The following PLCB1 variants were observed in gnomAD, a reference collection of about 807,000 sequenced individuals.
PLCB1 encodes the protein 1-phosphatidylinositol 4,5-bisphosphate phosphodiesterase beta-1.
In PLCB1, 46 loss-of-function variants were observed where a neutral mutation model predicts 161.8. The ratio of observed to expected loss-of-function variants is 0.28; its 90% CI spans 0.22 to 0.36. The LOEUF (loss-of-function observed/expected upper bound fraction) is 0.36, where lower values mean the gene tolerates loss of function less well. Ranked by LOEUF, PLCB1 falls within the 10% of genes least tolerant of loss-of-function variation. The probability of loss-of-function intolerance (pLI) is 1.00; values close to 1 mark genes in which losing one functional copy is unlikely to be tolerated. For synonymous variants in PLCB1, 517 were observed against 503.7 expected (o/e 1.03, Z -0.35); for missense variants, 1,016 against 1,472.5 (o/e 0.69, Z 5.07).
chr20:8,711,089 G>A (rs191477855), intron 12 of PLCB1, among the ~76,000 whole-genome samples: 8 of 152,304 alleles, frequency 5.3e-5, no homozygotes, highest in Admixed American at 5.2e-4. Flanking sequence ...TTTTACAGAT[G>A]ATGGAACTGA....
At chr20:8,246,223 G>A (rs1191851539) in intron 2 of PLCB1, among the ~76,000 whole-genome samples, 1 of 151,896 alleles carries the variant, frequency 6.6e-6, no homozygotes, top group Admixed American at 6.6e-5. Flanking sequence ...ACATATTTAG[G>A]CTCTGATTAT....
rs1255361902 is a variant in PLCB1 at position 8,141,659 on chromosome 20, C to T, written c.100-8635C>T. ...AAAAAAAAGGAGGGGGCAATGTATGCTCTATAGTCTTTAAAGATATTCTAC... is the reference window on the plus strand; with the variant it reads ...AAAAAAAAGGAGGGGGCAATGTATGTTCTATAGTCTTTAAAGATATTCTAC... On this transcript the variant is annotated intron_variant, in intron 1 of 31. Transcript: ENST00000338037. 2.7e-5 allele frequency among the ~76,000 whole-genome samples: 4 copies of T among 150,282 alleles called. No homozygotes were observed. The South Asian group carries it at 6.3e-4, about 24-fold the overall frequency.
chr20:8,631,595 CT>C (rs1321043424), intron 4 of PLCB1, among the ~76,000 whole-genome samples: 3 of 152,246 alleles, frequency 2.0e-5, no homozygotes, highest in Admixed American at 1.3e-4. Flanking sequence ...CATTCTCTAA[CT>C]TCCAAACCAT....
chr20:8,236,811 A>G (rs1980352237), intron 2 of PLCB1, among the ~76,000 whole-genome samples: 1 of 152,074 alleles, frequency 6.6e-6, no homozygotes, highest in Non-Finnish European at 1.5e-5. Context: ...TGGGTAAACG[A>G]TATGAATGGG....
In PLCB1 at chr20:8,720,987, C is replaced by A. The variant is rs928612076; in HGVS notation, c.1514-1367C>A. Among the ~76,000 whole-genome samples the A allele has an allele frequency of 9.9e-5, 15 of 152,076 alleles. 1 individual carries two copies. Among genetic ancestry groups the A allele is most frequent in the Admixed American group, 3.9e-4 (6 of 15,268 alleles). ...TTTTCTATCCAAAATATAATCGATT[C>A]ACCTTATTAACTAACACAATATCAG... On this transcript the variant is annotated intron_variant, in intron 14 of 31. Transcript: ENST00000338037.
At chr20:8,632,035 C>CTTTTTTTTTTTGTTTTTTTTTTT (rs1568537430) in intron 4 of PLCB1, among the ~76,000 whole-genome samples, 1 of 45,984 alleles carries the variant, frequency 2.2e-5, no homozygotes, top group Non-Finnish European at 3.7e-5. Flanking sequence ...GTTTTTTTTG[C>CTTTTTTTTTTTGTTTTTTTTTTT]TTTTTTTTTT....
At chr20:8,733,687 C>T (rs1229901133) in intron 19 of PLCB1, among the ~76,000 whole-genome samples, 1 of 150,476 alleles carries the variant, frequency 6.6e-6, no homozygotes, top group Non-Finnish European at 1.5e-5. Flanking sequence ...ACACCTAATG[C>T]TAAATGACGA....
chr20:8,404,435 C>T (rs747739370), intron 3 of PLCB1, among the ~76,000 whole-genome samples: 6 of 152,092 alleles, frequency 3.9e-5, no homozygotes, highest in Admixed American at 1.3e-4. Flanking sequence ...CTCCTGGCAC[C>T]GAACTGAAAA....
intron 3 of PLCB1, among the ~76,000 whole-genome samples, chr20:8,614,253 T>G (rs574665687): frequency 6.6e-6 from 1 of 152,038 alleles, no homozygotes; most frequent in Non-Finnish European, 1.5e-5. Flanking sequence ...GTACGATAAG[T>G]TGAAATATCA....
At chr20:8,825,926 G>A (rs534389177) in intron 31 of PLCB1, among the ~76,000 whole-genome samples, 3 of 152,232 alleles carry the variant, frequency 2.0e-5, no homozygotes, top group South Asian at 2.1e-4. Flanking sequence ...GAGGAGTCAA[G>A]GAATTGCCTA....
At chr20:8,157,940 C>T (rs1313639140) in intron 2 of PLCB1, among the ~76,000 whole-genome samples, 1 of 152,018 alleles carries the variant, frequency 6.6e-6, no homozygotes, top group African/African-American at 2.4e-5. Flanking sequence ...CATGTAATAC[C>T]ACGAAAATTC....
chr20:8,156,457 A>G (rs1377648245), intron 2 of PLCB1, among the ~76,000 whole-genome samples: 1 of 152,254 alleles, frequency 6.6e-6, no homozygotes, highest in African/African-American at 2.4e-5. Flanking sequence ...CTTATCTAGG[A>G]ACTGCTTAAT....
chr20:8,299,448 TTCTCAA>T (rs1983794280), intron 2 of PLCB1, among the ~76,000 whole-genome samples: 1 of 152,088 alleles, frequency 6.6e-6, no homozygotes, highest in African/African-American at 2.4e-5. Flanking sequence ...CACTCTCCCA[TTCTCAA>T]TCAACAGTCT....
chr20:8,741,673 T>C (rs1441601912), intron 23 of PLCB1, 100 bp downstream of exon 23: 2 of 707,102 alleles, frequency 2.8e-6, no homozygotes, highest in African/African-American at 3.5e-5. Context: ...GGAGAAGGAA[T>C]AGCACATTGG....
At chr20:8,422,961 A>G (rs1488243967) in intron 3 of PLCB1, among the ~76,000 whole-genome samples, 2 of 152,226 alleles carry the variant, frequency 1.3e-5, no homozygotes, top group African/African-American at 4.8e-5. Flanking sequence ...CGTTTGGAAG[A>G]CCAAATGATT....
chr20:8,483,036 C>A (rs911261283), intron 3 of PLCB1, among the ~76,000 whole-genome samples: 2 of 151,874 alleles, frequency 1.3e-5, no homozygotes, highest in African/African-American at 4.8e-5. Flanking sequence ...ATTGTTCTCT[C>A]GATCGATGGA....
At chr20:8,473,438 T>C (rs145383598) in intron 3 of PLCB1, among the ~76,000 whole-genome samples, 240 of 152,338 alleles carry the variant, frequency 1.6e-3, no homozygotes, top group African/African-American at 5.5e-3. Context: ...AGAAGGCACA[T>C]TTTATTGATC....
chr20:8,277,586 A>G (rs1432105400), intron 2 of PLCB1, among the ~76,000 whole-genome samples: 3 of 152,122 alleles, frequency 2.0e-5, no homozygotes, highest in Non-Finnish European at 4.4e-5. Context: ...TCAGACTCCA[A>G]CCCCAACCCA....
intron 3 of PLCB1, among the ~76,000 whole-genome samples, chr20:8,437,623 C>G (rs1408522888): frequency 1.3e-5 from 2 of 152,126 alleles, no homozygotes; most frequent in African/African-American, 4.8e-5. Flanking sequence ...TATTTGTTCT[C>G]TCTGGTATGG....
Sources: allele counts gnomAD v4.1 joint callset (sites outside exome capture counted in the v4.1 genomes callset), GRCh38; gene constraint gnomAD v4.1.1; transcripts MANE v1.5; gene names NCBI Gene and HGNC (gene_info 2026-07-23, HGNC 2026-07-21).